Variants in IL1RAPL2 observed in about 807,000 individuals in gnomAD.
IL1RAPL2 encodes the protein interleukin 1 receptor accessory protein like 2.
Under a neutral mutation model 44.1 loss-of-function variants are expected in IL1RAPL2, and 3 were observed. The ratio of observed to expected loss-of-function variants is 0.07; its 90% CI spans 0.03 to 0.18. IL1RAPL2 has a LOEUF of 0.18. IL1RAPL2 is among the 10% of genes least tolerant of loss of function. The pLI, the probability that IL1RAPL2 is intolerant of heterozygous loss-of-function variation, is 1.00. For synonymous variants in IL1RAPL2, 181 were observed against 178.8 expected, an observed-to-expected ratio of 1.01 and a Z score of -0.10; for missense variants, 391 against 496.4, an observed-to-expected ratio of 0.79 and a Z score of 2.02.
chrX:104,707,218 G>A (rs184400389), intron 2 of IL1RAPL2, among the ~76,000 whole-genome samples: 63 of 111,373 alleles, frequency 5.7e-4, no homozygotes, highest in African/African-American at 1.9e-3. Flanking sequence ...AACAGCTCTG[G>A]AGAATATATC....
At chrX:105,625,667 G>T (rs780716421) in intron 6 of IL1RAPL2, among the ~76,000 whole-genome samples, 88 of 111,418 alleles carry the variant, frequency 7.9e-4, no homozygotes, top group Non-Finnish European at 1.5e-3. Flanking sequence ...AGGAGAAGCA[G>T]ATTATTTGTC....
At position 105,195,578 on chromosome X, in the gene IL1RAPL2, C is replaced by A; in HGVS notation, c.186C>A (p.Thr62=). The part of the protein sequence containing the change: ...KCALFYSYIR[T]NYSTAQSTGL... ...CCCTTTTCTACAGTTATATTCGTACCAACTATAGCACGGCCCAGAGCACTG... is the reference window on the plus strand; with the variant it reads ...CCCTTTTCTACAGTTATATTCGTACAAACTATAGCACGGCCCAGAGCACTG... The change falls in exon 3 of 11, where the codon ACC becomes ACA. Residue 62 remains threonine, a synonymous_variant. Coordinates refer to ENST00000372582, the MANE Select transcript of IL1RAPL2 (RefSeq NM_017416.2). 1 of 1,211,401 alleles carries A rather than the reference C, an allele frequency of 8.3e-7. No homozygotes were observed. Among genetic ancestry groups the A allele is most frequent in the Non-Finnish European group, 1.1e-6 (1 of 895,122 alleles).
chrX:105,003,617 T>C (rs780935836), intron 2 of IL1RAPL2, among the ~76,000 whole-genome samples: 1 of 111,454 alleles, frequency 9.0e-6, no homozygotes, highest in East Asian at 2.9e-4. Flanking sequence ...GGAGCAAGTT[T>C]CTATTAGTGC....
At chrX:104,814,163 A>C (rs1365170424) in intron 2 of IL1RAPL2, among the ~76,000 whole-genome samples, 3 of 111,717 alleles carry the variant, frequency 2.7e-5, no homozygotes, top group African/African-American at 9.8e-5. Context: ...GCACCTCTGC[A>C]GACATCTTTA....
intron 2 of IL1RAPL2, among the ~76,000 whole-genome samples, chrX:104,799,959 A>G (rs1602733245): frequency 8.9e-6 from 1 of 111,736 alleles, no homozygotes; most frequent in African/African-American, 3.3e-5. Flanking sequence ...CTGTGTCTTG[A>G]TCGTATTCTT....
At chrX:105,145,129 G>A (rs1334396575) in intron 2 of IL1RAPL2, among the ~76,000 whole-genome samples, 1 of 111,724 alleles carries the variant, frequency 9.0e-6, no homozygotes, top group Non-Finnish European at 1.9e-5. Flanking sequence ...CAAATCCCTT[G>A]TCAAGTAAAA....
At position 104,646,997 on chromosome X, in the gene IL1RAPL2, C is replaced by T. The variant is rs906442713; in HGVS notation, c.-19-11898C>T. On this transcript the variant is annotated intron_variant, in intron 1 of 10. Coordinates refer to ENST00000372582, the MANE Select transcript of IL1RAPL2 (RefSeq NM_017416.2). ...TCAACCTTAGACTTTATCCACTCCC[C>T]TCCTAAGGATTATAGTAGTGTCAAA... Among the ~76,000 whole-genome samples, 8 of 111,440 alleles carry T rather than the reference C, an allele frequency of 7.2e-5. No individual in the cohort carries two copies. The Admixed American group carries it at 7.6e-4, about 11-fold the overall frequency.
intron 1 of IL1RAPL2, among the ~76,000 whole-genome samples, chrX:104,645,120 T>C (rs909198903): frequency 3.6e-5 from 4 of 111,403 alleles, no homozygotes; most frequent in Non-Finnish European, 7.5e-5. Flanking sequence ...ACTCTGAACC[T>C]TCCCAACTCA....
chrX:104,774,206 A>AG lies in IL1RAPL2; in HGVS notation c.82+115213dup, dbSNP rs1379507017. Among the ~76,000 whole-genome samples, 22 of 112,093 alleles carry AG rather than the reference A, an allele frequency of 2.0e-4. 1 individual carries two copies. The highest frequency in any genetic ancestry group is 7.1e-4 in the African/African-American group (22 of 30,842). ...TGAAGTGGGAGATTATTCCAATACA[A>AG]GGAACACTTTCCAGGGTAACGGGAA... On this transcript the variant is annotated intron_variant, in intron 2 of 10. Coordinates refer to ENST00000372582, the MANE Select transcript of IL1RAPL2 (RefSeq NM_017416.2).
chrX:105,154,415 T>C (rs2033252757), intron 2 of IL1RAPL2, among the ~76,000 whole-genome samples: 1 of 111,638 alleles, frequency 9.0e-6, no homozygotes, highest in African/African-American at 3.3e-5. Context: ...CACCATTATA[T>C]CAGAATTGTT....
intron 6 of IL1RAPL2, among the ~76,000 whole-genome samples, chrX:105,553,726 AT>A (rs1247967609): frequency 1.8e-5 from 2 of 112,055 alleles, no homozygotes; most frequent in African/African-American, 6.5e-5. Flanking sequence ...AGAGAAATTC[AT>A]TTTTTTATTG....
At chrX:105,339,979 G>A (rs1229399673) in intron 5 of IL1RAPL2, among the ~76,000 whole-genome samples, 2 of 111,452 alleles carry the variant, frequency 1.8e-5, no homozygotes, top group Non-Finnish European at 3.8e-5. Flanking sequence ...ACTTTGGAGT[G>A]CCCAGGCTTA....
intron 1 of IL1RAPL2, among the ~76,000 whole-genome samples, chrX:104,621,471 GCAGGGTGCTCTCTCTGCCGTACCCC>G (rs1189123095): frequency 9.3e-6 from 1 of 108,039 alleles, no homozygotes; most frequent in South Asian, 4.2e-4. Flanking sequence ...AAGTGGTGCA[GCAGGGTGCTCTCTCTGCCGTACCCC>G]CAGGGTGCTC....
At chrX:104,818,343 CAAAAAAAAAAA>C (rs768639524) in intron 2 of IL1RAPL2, among the ~76,000 whole-genome samples, 37 of 27,435 alleles carry the variant, frequency 1.3e-3, no homozygotes, top group African/African-American at 3.3e-3. Context: ...GACTCCGTCT[CAAAAAAAAAAA>C]AAAAAAAAAA....
At chrX:105,251,181 G>C (rs939287194) in intron 4 of IL1RAPL2, among the ~76,000 whole-genome samples, 2 of 110,160 alleles carry the variant, frequency 1.8e-5, no homozygotes, top group African/African-American at 6.6e-5. Flanking sequence ...TTAAAGAAAA[G>C]AGCTTTACAT....
intron 2 of IL1RAPL2, among the ~76,000 whole-genome samples, chrX:104,933,800 A>G (rs745425377): frequency 3.6e-5 from 4 of 111,414 alleles, no homozygotes; most frequent in Admixed American, 9.6e-5. Context: ...GTCCCGTTGC[A>G]TACTCGAGAA....
At chrX:104,732,145 A>G (rs893041730) in intron 2 of IL1RAPL2, among the ~76,000 whole-genome samples, 2 of 112,179 alleles carry the variant, frequency 1.8e-5, no homozygotes, top group Non-Finnish European at 3.8e-5. Context: ...AACTTGTGGG[A>G]TGCTGCCAAT....
intron 2 of IL1RAPL2, among the ~76,000 whole-genome samples, chrX:105,089,705 C>T (rs12393671): frequency 0.023 from 2,599 of 111,377 alleles, 64 homozygotes; most frequent in African/African-American, 0.081. Flanking sequence ...ATATTATGCT[C>T]CAGGCACTCT....
At chrX:105,390,805 A>G (rs777933781) in intron 5 of IL1RAPL2, among the ~76,000 whole-genome samples, 3 of 111,165 alleles carry the variant, frequency 2.7e-5, no homozygotes, top group Non-Finnish European at 3.8e-5. Context: ...GGCCTCTTAT[A>G]TATCTAGGGT....
Sources: allele counts gnomAD v4.1 joint callset (sites outside exome capture counted in the v4.1 genomes callset), GRCh38; gene constraint gnomAD v4.1.1; transcripts MANE v1.5; gene names NCBI Gene and HGNC (gene_info 2026-07-23, HGNC 2026-07-21).